Variants in AGMO observed in about 807,000 individuals in gnomAD.
AGMO encodes the protein glyceryl-ether monooxygenase.
In AGMO, 75 loss-of-function variants were observed where a neutral mutation model predicts 60.2. The ratio of observed to expected loss-of-function variants is 1.25; its 90% CI spans 1.03 to 1.51. AGMO has a LOEUF of 1.51. Among genes scored for constraint, AGMO ranks in the 40% most tolerant of loss-of-function variants. The pLI, the probability that AGMO is intolerant of heterozygous loss-of-function variation, is 0.00. For missense variants in AGMO, 763 were observed against 525.5 expected, an observed-to-expected ratio of 1.45 and a Z score of -4.42; for synonymous variants, 261 against 177.1, an observed-to-expected ratio of 1.47 and a Z score of -3.76.
chr7:15,494,442 A>C (rs938029550), intron 3 of AGMO, among the ~76,000 whole-genome samples: 2 of 152,204 alleles, frequency 1.3e-5, no homozygotes, highest in African/African-American at 4.8e-5. Context: ...AAGATATGCA[A>C]TTATAGTATA....
intron 12 of AGMO, among the ~76,000 whole-genome samples, chr7:15,270,303 TATAA>T (rs751097524): frequency 2.6e-5 from 4 of 152,202 alleles, no homozygotes; most frequent in East Asian, 3.9e-4. Context: ...TATTATTTTA[TATAA>T]ATAAACATTC....
chr7:15,526,224 A>G (rs537404547), intron 3 of AGMO, among the ~76,000 whole-genome samples: 2 of 152,302 alleles, frequency 1.3e-5, no homozygotes, highest in African/African-American at 4.8e-5. Context: ...TAGCTGGCAA[A>G]GTGACTGAGA....
intron 5 of AGMO, among the ~76,000 whole-genome samples, chr7:15,417,482 C>T (rs189223449): frequency 6.6e-6 from 1 of 152,256 alleles, no homozygotes; most frequent in Admixed American, 6.5e-5. Context: ...CCCTTAACCC[C>T]TCCATGTAAA....
At chr7:15,164,163 A>G in the AGMO span, among the ~76,000 whole-genome samples, 1 of 152,162 alleles carries the variant, frequency 6.6e-6, no homozygotes, top group South Asian at 2.1e-4. Flanking sequence ...CATTCTATTC[A>G]ATGAATGGTG....
At chr7:15,128,599 C>A in the AGMO span, among the ~76,000 whole-genome samples, 1 of 151,908 alleles carries the variant, frequency 6.6e-6, no homozygotes, top group Admixed American at 6.6e-5. Flanking sequence ...TGATACTCAA[C>A]TAAAATATAT....
intron 12 of AGMO, among the ~76,000 whole-genome samples, chr7:15,354,423 CACACACGT>C (rs1173026697): frequency 0.093 from 2,540 of 27,448 alleles, 457 homozygotes; most frequent in African/African-American, 0.25. Flanking sequence ...TGTGTGTATA[CACACACGT>C]GTGTGTATAC....
At chr7:15,423,080 C>G (rs182210908) in intron 4 of AGMO, among the ~76,000 whole-genome samples, 1 of 141,740 alleles carries the variant, frequency 7.1e-6, no homozygotes, top group East Asian at 2.1e-4. Flanking sequence ...CTTTTGGACT[C>G]TAGAATTCAT....
intron 12 of AGMO, 119 bp downstream of exon 12, chr7:15,365,395 A>AAAAAAAAAAAAAAG: frequency 2.1e-6 from 1 of 477,682 alleles, no homozygotes; most frequent in East Asian, 3.7e-5. Context: ...AAAAAAAAAA[A>AAAAAAAAAAAAAAG]GATCAAGATT....
chr7:15,491,661 C>T (rs997237363), intron 3 of AGMO, among the ~76,000 whole-genome samples: 8 of 152,178 alleles, frequency 5.3e-5, no homozygotes, highest in Non-Finnish European at 1.0e-4. Flanking sequence ...AACAGATTAT[C>T]ATGTGATACA....
chr7:15,361,655 A>AG (rs1408034775), intron 12 of AGMO, among the ~76,000 whole-genome samples: 1 of 152,098 alleles, frequency 6.6e-6, no homozygotes, highest in Non-Finnish European at 1.5e-5. Flanking sequence ...AAAACCATTT[A>AG]GGTAACAGCA....
chr7:15,137,273 C>T, the AGMO span, among the ~76,000 whole-genome samples: 8 of 152,058 alleles, frequency 5.3e-5, no homozygotes, highest in African/African-American at 1.7e-4. Flanking sequence ...TGAATGATGT[C>T]TACTGGAACG....
At chr7:15,371,045 G>T (rs1021538573) in intron 10 of AGMO, among the ~76,000 whole-genome samples, 3 of 152,072 alleles carry the variant, frequency 2.0e-5, no homozygotes, top group African/African-American at 7.2e-5. Context: ...GTGGTAGAGG[G>T]ATAGCTGGCT....
At chr7:15,461,584 A>AC (rs1782143755) in intron 3 of AGMO, among the ~76,000 whole-genome samples, 1 of 152,108 alleles carries the variant, frequency 6.6e-6, no homozygotes, top group Non-Finnish European at 1.5e-5. Flanking sequence ...GGTTCTCATT[A>AC]GCATTTATCA....
the AGMO span, among the ~76,000 whole-genome samples, chr7:15,167,264 T>C: frequency 6.6e-6 from 1 of 152,220 alleles, no homozygotes; most frequent in Non-Finnish European, 1.5e-5. Flanking sequence ...ATTTTGGTTA[T>C]ATATGGTGTT....
At chr7:15,241,965 T>A (rs1782604581) in intron 12 of AGMO, among the ~76,000 whole-genome samples, 1 of 152,146 alleles carries the variant, frequency 6.6e-6, no homozygotes, top group African/African-American at 2.4e-5. Context: ...CCACATTCCT[T>A]GTCACATATA....
chr7:15,276,145 T>C (rs1156602425), intron 12 of AGMO, among the ~76,000 whole-genome samples: 3 of 152,178 alleles, frequency 2.0e-5, no homozygotes, highest in African/African-American at 7.2e-5. Context: ...ACTTATGTAA[T>C]GTCTTTTTTG....
chr7:15,435,254 T>C (rs1367904056), intron 3 of AGMO, among the ~76,000 whole-genome samples: 1 of 152,034 alleles, frequency 6.6e-6, no homozygotes, highest in East Asian at 1.9e-4. Flanking sequence ...TTGAGCTGTA[T>C]GATATGCCTA....
intron 3 of AGMO, among the ~76,000 whole-genome samples, chr7:15,527,146 T>G (rs1259346829): frequency 6.6e-6 from 1 of 152,050 alleles, no homozygotes; most frequent in Non-Finnish European, 1.5e-5. Flanking sequence ...CACTTTAAAT[T>G]AAAAGCTAGA....
intron 12 of AGMO, among the ~76,000 whole-genome samples, chr7:15,230,438 G>A (rs1402132708): frequency 5.3e-5 from 8 of 152,126 alleles, no homozygotes; most frequent in Admixed American, 4.6e-4. Flanking sequence ...GGTCCCACAT[G>A]GGACCTATGT....
Sources: gnomAD v4.1 joint callset for allele counts (sites outside exome capture counted in the v4.1 genomes callset) on GRCh38, gnomAD v4.1.1 for gene constraint, MANE v1.5 for transcripts, NCBI Gene and HGNC (gene_info 2026-07-23, HGNC 2026-07-21) for gene names.